The following ADCY8 variants were observed in gnomAD, a reference collection of about 807,000 sequenced individuals.
The protein encoded by ADCY8 is adenylate cyclase 8, also known as adenylate cyclase type 8.
In ADCY8, 51 loss-of-function variants were observed where a neutral mutation model predicts 119.7. The ratio of observed to expected loss-of-function variants is 0.43; its 90% confidence interval spans 0.34 to 0.54. The LOEUF is 0.54. ADCY8 is among the 20% of genes least tolerant of loss of function. The probability of loss-of-function intolerance (pLI) is 0.03; values close to 1 mark genes in which losing one functional copy is unlikely to be tolerated. For missense variants in ADCY8, 1,383 were observed against 1,598.8 expected, an observed-to-expected ratio of 0.87 and a Z score of 2.30; for synonymous variants, 665 against 651.0, an observed-to-expected ratio of 1.02 and a Z score of -0.33.
At chr8:130,967,702 T>G (rs893786385) in intron 2 of ADCY8, among the ~76,000 whole-genome samples, 1 of 150,620 alleles carries the variant, frequency 6.6e-6, no homozygotes, top group Non-Finnish European at 1.5e-5. Flanking sequence ...TATTTTGTTG[T>G]TTTTTTTTCT....
At chr8:131,033,913 G>A (rs929402644) in intron 1 of ADCY8, among the ~76,000 whole-genome samples, 46 of 152,076 alleles carry the variant, frequency 3.0e-4, no homozygotes, top group Admixed American at 5.9e-4. Context: ...TCTTGGGAAG[G>A]TTGACACTCA....
Position 130,912,401 on chromosome 8 carries a change from A to G in ADCY8, c.1482-2535T>C, listed in dbSNP as rs574075807. Among the ~76,000 whole-genome samples the G allele has an allele frequency of 5.3e-5, 8 of 152,262 alleles. No homozygotes were observed. The South Asian group carries it at 1.7e-3, about 32-fold the overall frequency. On this transcript the variant is annotated intron_variant, in intron 5 of 17. Coordinates refer to ENST00000286355, the MANE Select transcript of ADCY8 (RefSeq NM_001115.3). ...TTCTATTAATGTTCATATATATCCA[A>G]GCTTTTTGGTAAAGAGTATAAGGTC...
intron 15 of ADCY8, among the ~76,000 whole-genome samples, chr8:130,792,191 G>T (rs2130077069): frequency 6.6e-6 from 1 of 152,198 alleles, no homozygotes; most frequent in South Asian, 2.1e-4. Flanking sequence ...TTATACCTTT[G>T]TTCCTACTTA....
chr8:130,998,638 C>T (rs1822852376), intron 1 of ADCY8, among the ~76,000 whole-genome samples: 1 of 152,170 alleles, frequency 6.6e-6, no homozygotes, highest in Non-Finnish European at 1.5e-5. Flanking sequence ...AGAAAACAGA[C>T]AGTAGTGCAG....
rs145360233 is a variant in ADCY8, at chr8:130,884,632, C to T, written c.2041G>A (p.Asp681Asn). ...IEHTIDLRSG[D>N]KLRREHIKPF... ...TTGATATGCTCTCTTCTCAATTTAT[C>T]GCCACTCCGCAAGTCGATGGTATGT... Residue 681 changes from aspartate (D) to asparagine (N), a missense_variant, in exon 8 of 18, where the codon GAT becomes AAT. Asp to Asn is a conservative substitution (Grantham distance 23, BLOSUM62 1). Around this residue, in one of 2 missense-constraint regions of ADCY8, gnomAD observed 928 missense variants for 1,163.5 expected, o/e 0.80. Transcript: ENST00000286355. 1.9e-6 allele frequency: 3 copies of T among 1,613,716 alleles called. No individual in the cohort carries two copies. Among genetic ancestry groups the T allele is most frequent in the Non-Finnish European group, 2.5e-6 (3 of 1,179,848 alleles).
chr8:130,909,896 T>C, intron 5 of ADCY8, 30 bp from the exon 6 acceptor site: 5 of 1,611,738 alleles, frequency 3.1e-6, no homozygotes, highest in Non-Finnish European at 4.2e-6. Flanking sequence ...GAGAGACACA[T>C]GTATAAGACC....
intron 5 of ADCY8, among the ~76,000 whole-genome samples, chr8:130,917,563 G>A (rs1039268537): frequency 3.3e-5 from 5 of 152,158 alleles, no homozygotes; most frequent in South Asian, 2.1e-4. Flanking sequence ...AGATGAAAGC[G>A]TTGCTGACCC....
chr8:130,794,402 G>A (rs1403809417), intron 15 of ADCY8, among the ~76,000 whole-genome samples: 2 of 152,046 alleles, frequency 1.3e-5, no homozygotes, highest in African/African-American at 4.8e-5. Flanking sequence ...CCACCAGCAC[G>A]CCTGGCTCAT....
intron 15 of ADCY8, among the ~76,000 whole-genome samples, chr8:130,786,792 C>T (rs140607314): frequency 6.6e-6 from 1 of 151,990 alleles, no homozygotes; most frequent in Non-Finnish European, 1.5e-5. Context: ...GGAGATCAGG[C>T]CATTTTGATC....
intron 17 of ADCY8, among the ~76,000 whole-genome samples, chr8:130,781,085 G>C (rs1815065702): frequency 6.6e-6 from 1 of 152,168 alleles, no homozygotes; most frequent in Non-Finnish European, 1.5e-5. Context: ...TCAGTAGAAT[G>C]GAAATAATTA....
intron 5 of ADCY8, among the ~76,000 whole-genome samples, chr8:130,924,296 A>C (rs1004984566): frequency 6.6e-6 from 1 of 152,088 alleles, no homozygotes. Context: ...GTTAGTTTGG[A>C]GTTCCAAGCT....
chr8:130,950,255 G>T (rs542448141), intron 3 of ADCY8, among the ~76,000 whole-genome samples: 1 of 152,350 alleles, frequency 6.6e-6, no homozygotes, highest in Non-Finnish European at 1.5e-5. Flanking sequence ...AGCTGAAAAT[G>T]CCAGAGACTT....
intron 1 of ADCY8, among the ~76,000 whole-genome samples, chr8:131,037,237 G>A (rs1347182333): frequency 1.3e-5 from 2 of 152,142 alleles, no homozygotes; most frequent in African/African-American, 4.8e-5. Context: ...AAAATTGAAT[G>A]AGCTTAGTTT....
At position 130,785,377 on chromosome 8, in the gene ADCY8, C is replaced by CT; in HGVS notation, c.3153+5dup. The CT allele has an allele frequency of 1.2e-6, 2 of 1,602,838 alleles. No homozygotes were observed. Among genetic ancestry groups the CT allele is most frequent in the Non-Finnish European group, 1.7e-6 (2 of 1,173,916 alleles). ...GCATTGTGGCTGAGTCCAAAGAGTC[C>CT]TTTACCTGTTTTTCAGGTGACAGGC... is the stretch of plus-strand genomic sequence containing the variant. On this transcript the variant is annotated splice_donor_region_variant and intron_variant, in intron 16 of 17. Transcript: ENST00000286355.
intron 12 of ADCY8, among the ~76,000 whole-genome samples, chr8:130,825,786 C>A (rs1372174631): frequency 3.9e-5 from 6 of 152,160 alleles, no homozygotes; most frequent in Non-Finnish European, 8.8e-5. Context: ...CTAATTTTTA[C>A]TTTTTAATTG....
At chr8:130,802,801 G>A (rs553624704) in intron 14 of ADCY8, among the ~76,000 whole-genome samples, 103 of 152,342 alleles carry the variant, frequency 6.8e-4, no homozygotes, top group African/African-American at 2.4e-3. Context: ...CTCTGCCCAA[G>A]TGACACGCAG....
chr8:130,785,900 C>A (rs11781963), intron 15 of ADCY8, among the ~76,000 whole-genome samples: 1 of 152,240 alleles, frequency 6.6e-6, no homozygotes, highest in Non-Finnish European at 1.5e-5. Context: ...CCTTGCCACA[C>A]TGACCTGAGA....
intron 12 of ADCY8, 128 bp downstream of exon 12, chr8:130,836,148 GA>G: frequency 2.8e-6 from 3 of 1,060,134 alleles, no homozygotes; most frequent in Non-Finnish European, 4.0e-6. Context: ...CAGAATGCCT[GA>G]TTTGAGATAT....
At chr8:130,952,119 A>G in intron 2 of ADCY8, 121 bp from the exon 3 acceptor site, 1 of 1,117,032 alleles carries the variant, frequency 9.0e-7, no homozygotes, top group South Asian at 1.5e-5. Flanking sequence ...CTAATTTCAT[A>G]CCATTCTATG....
Sources: gnomAD v4.1 joint callset for allele counts (sites outside exome capture counted in the v4.1 genomes callset) on GRCh38, gnomAD v4.1.1 for gene constraint, gnomAD v4.1.1 regional missense constraint, MANE v1.5 for transcripts, NCBI Gene and HGNC (gene_info 2026-07-23, HGNC 2026-07-21) for gene names.